Variants in ZYG11A observed in about 807,000 individuals in gnomAD.
ZYG11A encodes the protein protein zyg-11 homolog A.
ZYG11A carries 62 observed loss-of-function variants against 77.2 expected under a neutral mutation model. The ratio of observed to expected loss-of-function variants is 0.80; its 90% CI spans 0.65 to 0.99. ZYG11A has a LOEUF of 0.99. Ranked by LOEUF, ZYG11A falls within the 50% of genes least tolerant of loss-of-function variation. The pLI, the probability that ZYG11A is intolerant of heterozygous loss-of-function variation, is 0.00. For synonymous variants in ZYG11A, 315 were observed against 324.6 expected (o/e 0.97, Z 0.32); for missense variants, 828 against 896.8 (o/e 0.92, Z 0.98).
rs1557434641 is a variant in ZYG11A, at chr1:52,857,718, C to G, written c.977C>G (p.Ser326Cys). ...VGLLATDAGS[S>C]DFFTTKQGLR... ...CTATTGGCCACGGATGCTGGCTCTT[C>G]TGACTTCTTTACTACAAAGCAAGGC... Residue 326 changes from serine to cysteine, a missense_variant, in exon 3 of 14, where the codon TCT becomes TGT. Coordinates refer to ENST00000371528, the MANE Select transcript of ZYG11A (RefSeq NM_001004339.3). 9.0e-6 allele frequency: 14 copies of G among 1,551,210 alleles called. No homozygotes were observed. The highest frequency in any genetic ancestry group is 1.2e-5 in the Non-Finnish European group (14 of 1,146,704).
At chr1:52,887,174 T>A in intron 13 of ZYG11A, 121 bp downstream of exon 13, 1 of 420,658 alleles carries the variant, frequency 2.4e-6, no homozygotes, top group Non-Finnish European at 4.2e-6. Context: ...TAGGTGTGTT[T>A]AAAAAGAAAC....
intron 6 of ZYG11A, 130 bp downstream of exon 6, chr1:52,866,697 A>G (rs2150004620): frequency 5.4e-6 from 3 of 554,646 alleles, no homozygotes; most frequent in East Asian, 6.2e-5. Context: ...AGAAGTGATT[A>G]GAAGTACCCT....
intron 4 of ZYG11A, 52 bp from the exon 5 acceptor site, chr1:52,863,929 G>C: frequency 6.8e-7 from 1 of 1,478,076 alleles, no homozygotes; most frequent in Non-Finnish European, 9.2e-7. Context: ...GCACAAGACA[G>C]CATAGAGAAT....
chr1:52,856,455 C>CAAAAAA (rs57138221), intron 2 of ZYG11A, among the ~76,000 whole-genome samples: 2 of 104,102 alleles, frequency 1.9e-5, no homozygotes, highest in Non-Finnish European at 1.9e-5. Flanking sequence ...GACTCCATCT[C>CAAAAAA]AAAAAAAAAA....
chr1:52,880,619 TTCTC>T (rs1226314063), intron 10 of ZYG11A, among the ~76,000 whole-genome samples: 2 of 152,320 alleles, frequency 1.3e-5, no homozygotes, highest in South Asian at 2.1e-4. Context: ...TAGGGACTCT[TTCTC>T]TCTGGCCCTG....
chr1:52,881,553 G>T lies in ZYG11A; in HGVS notation c.1832G>T (p.Ser611Ile), dbSNP rs1363597911. The T allele has an allele frequency of 6.4e-7, 1 of 1,551,998 alleles. No homozygotes were observed. Among genetic ancestry groups the T allele is most frequent in the African/African-American group, 1.4e-5 (1 of 73,024 alleles). Residue 611 changes from serine to isoleucine, a missense_variant, in exon 11 of 14, where the codon AGC becomes ATC. Transcript: ENST00000371528. ...AAGCATATCAACAGTTTACTCTGTA[G>T]CAGGGAAATGGAAGTCAGCTATTTT... ...VLKHINSLLCSREMEVSYFAA... is the reference protein window; with the variant it reads ...VLKHINSLLCIREMEVSYFAA...
At chr1:52,868,842 T>C (rs1009659375) in intron 8 of ZYG11A, among the ~76,000 whole-genome samples, 11 of 152,192 alleles carry the variant, frequency 7.2e-5, no homozygotes, top group Non-Finnish European at 2.9e-5. Context: ...TTTTTTATTT[T>C]CATTTTATTA....
rs750611923 is a variant in ZYG11A, at chr1:52,857,501, G to T, written c.760G>T (p.Glu254Ter). The T allele has an allele frequency of 7.1e-6, 11 of 1,552,152 alleles. No homozygotes were observed. Among genetic ancestry groups the T allele is most frequent in the Middle Eastern group, 1.7e-4 (1 of 5,996 alleles). The change falls in exon 3 of 14, where the codon GAA becomes TAA. Residue 254 changes from glutamate to a stop codon, truncating the protein, a stop_gained. Coordinates refer to ENST00000371528, the MANE Select transcript of ZYG11A (RefSeq NM_001004339.3). LOFTEE classifies it high-confidence loss of function. ...ATCACAAATTCTTGCAGTCATTAGA[G>T]AACTTAAATGTCTGCTTCACCTTGA... ...TKSQILAVIR[E>*]LKCLLHLDIS...
Position 52,857,174 on chromosome 1 carries a change from A to C in ZYG11A, c.433A>C (p.Ile145Leu). 1 of 1,552,108 alleles carries C rather than the reference A, an allele frequency of 6.4e-7. No homozygotes were observed. Among genetic ancestry groups the C allele is most frequent in the Non-Finnish European group, 8.7e-7 (1 of 1,147,078 alleles). ...CGCTGACCTCCCAGTTCCAGACATC[A>C]TAAGTGGACTCTGCAGCAATAGGTG... is the stretch of plus-strand genomic sequence containing the variant. ...VHADLPVPDI[I>L]SGLCSNRWIQ... Residue 145 changes from isoleucine to leucine, a missense_variant, in exon 3 of 14, where the codon ATA becomes CTA. Coordinates refer to ENST00000371528, the MANE Select transcript of ZYG11A (RefSeq NM_001004339.3).
chr1:52,863,525 C>CT (rs1304143765), intron 4 of ZYG11A, among the ~76,000 whole-genome samples: 1 of 152,218 alleles, frequency 6.6e-6, no homozygotes, highest in East Asian at 1.9e-4. Flanking sequence ...AATGGCCACT[C>CT]TTTCCATAAC....
At chr1:52,858,184 G>A (rs1224382771) in intron 3 of ZYG11A, among the ~76,000 whole-genome samples, 1 of 149,352 alleles carries the variant, frequency 6.7e-6, no homozygotes, top group Non-Finnish European at 1.5e-5. Context: ...ATCACTTGAG[G>A]TCAGGAGTCC....
chr1:52,849,763 A>G (rs1645670857), intron 1 of ZYG11A, among the ~76,000 whole-genome samples: 2 of 149,602 alleles, frequency 1.3e-5, no homozygotes, highest in Admixed American at 1.3e-4. Context: ...GCTCACTGCC[A>G]GCTCCACATC....
At chr1:52,871,306 G>A (rs1646160322) in intron 8 of ZYG11A, among the ~76,000 whole-genome samples, 1 of 151,824 alleles carries the variant, frequency 6.6e-6, no homozygotes, top group Non-Finnish European at 1.5e-5. Flanking sequence ...TTTTAATCCT[G>A]TGATTTCTGT....
intron 8 of ZYG11A, among the ~76,000 whole-genome samples, chr1:52,870,171 AC>A (rs1646127998): frequency 1.6e-5 from 1 of 62,740 alleles, no homozygotes; most frequent in Non-Finnish European, 6.5e-5. Context: ...GACGCTCTTC[AC>A]TTCCTAGATG....
intron 13 of ZYG11A, among the ~76,000 whole-genome samples, chr1:52,888,652 C>T (rs1194993407): frequency 3.3e-5 from 5 of 152,174 alleles, no homozygotes; most frequent in African/African-American, 1.2e-4. Flanking sequence ...GACACTGCAT[C>T]TGGCCAGAAA....
chr1:52,893,102 T>C lies in ZYG11A; in HGVS notation c.*145T>C. 1.3e-6 allele frequency: 1 copy of C among 766,580 alleles called. No individual in the cohort carries two copies. The highest frequency in any genetic ancestry group is 1.9e-5 in the South Asian group (1 of 52,082). 47.5% of individuals were successfully genotyped at this position (766,580 alleles called of 1,614,324 possible). A position where few individuals can be genotyped will look rare whatever the true frequency, so the allele number is the denominator to read the frequency against. ...TTGATTTTATATATGTTACAAAAGG[T>C]TGGATTTGTATGATAGCTGTAATCC... On this transcript the variant is annotated 3_prime_UTR_variant, in exon 14 of 14. Coordinates refer to ENST00000371528, the MANE Select transcript of ZYG11A (RefSeq NM_001004339.3).
rs1362999763 is a variant in ZYG11A at position 52,868,295 on chromosome 1, A to G, written c.1542+518A>G. 2.6e-5 allele frequency among the ~76,000 whole-genome samples: 4 copies of G among 152,012 alleles called. No homozygotes were observed. In the East Asian group the frequency reaches 7.7e-4, roughly 29 times the overall value. On this transcript the variant is annotated intron_variant, in intron 8 of 13. Transcript: ENST00000371528. The stretch of plus-strand genomic sequence containing the variant: ...CCACATTTCTAAATAAAATGCATAT[A>G]CTGTAGTTTCTTGATTGAGCAGTTT...
intron 2 of ZYG11A, among the ~76,000 whole-genome samples, chr1:52,856,276 A>T (rs554301): frequency 0.47 from 71,639 of 151,758 alleles, 18,305 homozygotes; most frequent in Non-Finnish European, 0.59. Context: ...TGATTACCTT[A>T]CGTGCCTGTT....
chr1:52,845,160 T>C (rs569889890), intron 1 of ZYG11A, among the ~76,000 whole-genome samples: 21 of 152,232 alleles, frequency 1.4e-4, no homozygotes, highest in African/African-American at 4.6e-4. Flanking sequence ...TCTTGATCTC[T>C]AGCAATATTC....
Sources: gnomAD v4.1 joint callset for allele counts (sites outside exome capture counted in the v4.1 genomes callset) on GRCh38, gnomAD v4.1.1 for gene constraint, MANE v1.5 for transcripts, NCBI Gene and HGNC (gene_info 2026-07-23, HGNC 2026-07-21) for gene names.